Variants in SENP6 observed in about 807,000 individuals in gnomAD.
SENP6 encodes the protein sentrin-specific protease 6.
Under a neutral mutation model 134.5 loss-of-function variants are expected in SENP6, and 41 were observed. The observed-to-expected ratio is 0.30, with a 90% CI of 0.24 to 0.40. The LOEUF is 0.40. SENP6 is among the 10% of genes least tolerant of loss of function. The pLI is 1.00. For missense variants in SENP6, 1,248 were observed against 1,312.5 expected (o/e 0.95, Z 0.76); for synonymous variants, 395 against 429.8 (o/e 0.92, Z 1.00).
At chr6:75,667,139 G>T (rs1265781136) in intron 10 of SENP6, among the ~76,000 whole-genome samples, 198 bp downstream of exon 10, 1 of 152,106 alleles carries the variant, frequency 6.6e-6, no homozygotes, top group African/African-American at 2.4e-5. Context: ...AAGGCTTGAA[G>T]TATAAAAAAT....
intron 19 of SENP6, among the ~76,000 whole-genome samples, chr6:75,705,427 C>T (rs1190845410): frequency 1.3e-5 from 2 of 152,204 alleles, no homozygotes; most frequent in African/African-American, 4.8e-5. Context: ...CGCCTGTAAT[C>T]CTAGCTACTC....
chr6:75,641,912 T>G (rs1770058188), intron 6 of SENP6, among the ~76,000 whole-genome samples: 1 of 144,342 alleles, frequency 6.9e-6, no homozygotes, highest in Admixed American at 6.9e-5. Flanking sequence ...TTGAATCAAT[T>G]AAAAAAAAAA....
chr6:75,688,480 C>G (rs1470562221), intron 16 of SENP6, among the ~76,000 whole-genome samples: 1 of 152,228 alleles, frequency 6.6e-6, no homozygotes, highest in East Asian at 1.9e-4. Flanking sequence ...CTGCATCGGT[C>G]ATGCTGAGAG....
At chr6:75,623,040 A>G (rs991556088) in intron 2 of SENP6, among the ~76,000 whole-genome samples, 8 of 152,194 alleles carry the variant, frequency 5.3e-5, no homozygotes, top group African/African-American at 1.4e-4. Context: ...TGTTTATAAA[A>G]TGTTTACGAG....
In SENP6 at chr6:75,677,264, T is replaced by C. The variant is rs1773154154; in HGVS notation, c.1848+8T>C. On this transcript the variant is annotated splice_region_variant and intron_variant, in intron 14 of 23. Transcript: ENST00000447266. ...GAAAACAAAATTAAAACTGTAATTATGTTTTTTAATTTAAAAATATTCTTA... is the reference window on the plus strand; with the variant it reads ...GAAAACAAAATTAAAACTGTAATTACGTTTTTTAATTTAAAAATATTCTTA... 2 of 1,512,756 alleles carry C rather than the reference T, an allele frequency of 1.3e-6. No individual in the cohort carries two copies. The highest frequency in any genetic ancestry group is 2.5e-5 in the South Asian group (2 of 78,896). 93.7% of individuals were successfully genotyped at this position (1,512,756 alleles called of 1,614,324 possible). A position where few individuals can be genotyped will look rare whatever the true frequency, so the allele number is the denominator to read the frequency against.
At chr6:75,650,227 A>T (rs890969979) in intron 7 of SENP6, among the ~76,000 whole-genome samples, 1 of 152,206 alleles carries the variant, frequency 6.6e-6, no homozygotes, top group African/African-American at 2.4e-5. Flanking sequence ...GCATCATTTT[A>T]GGGGTTACAT....
At chr6:75,642,969 T>C (rs950668965) in intron 6 of SENP6, among the ~76,000 whole-genome samples, 1 of 151,988 alleles carries the variant, frequency 6.6e-6, no homozygotes, top group African/African-American at 2.4e-5. Flanking sequence ...AGGGTTAAGG[T>C]GGAAAAATAA....
At chr6:75,647,304 A>G (rs1371397204) in intron 6 of SENP6, 1 of 154,706 alleles carries the variant, frequency 6.5e-6, no homozygotes, top group African/African-American at 2.4e-5. Context: ...ACTAAGGATT[A>G]TGTTTAAAAT....
At chr6:75,704,342 G>A (rs1181100959) in intron 19 of SENP6, among the ~76,000 whole-genome samples, 1 of 152,184 alleles carries the variant, frequency 6.6e-6, no homozygotes. Flanking sequence ...AAGAAAACAT[G>A]TGAGCAAAGG....
chr6:75,680,182 G>C (rs2842534), intron 16 of SENP6, among the ~76,000 whole-genome samples: 12,128 of 152,158 alleles, frequency 0.08, 1,074 homozygotes, highest in African/African-American at 0.22. Flanking sequence ...TATTAAGGAG[G>C]AGAGGAAAGG....
chr6:75,602,633 C>T, intron 1 of SENP6, 57 bp downstream of exon 1: 1 of 1,509,656 alleles, frequency 6.6e-7, no homozygotes, highest in Non-Finnish European at 9.0e-7. Flanking sequence ...AAAACGTGGC[C>T]CCCAGAACCC....
chr6:75,669,463 T>C (rs1032950020), intron 10 of SENP6, among the ~76,000 whole-genome samples: 15 of 152,148 alleles, frequency 9.9e-5, no homozygotes, highest in African/African-American at 3.1e-4. Context: ...ATTTTTTTTT[T>C]CCTGTGACAT....
At chr6:75,638,276 T>C (rs1241839090) in intron 5 of SENP6, among the ~76,000 whole-genome samples, 3 of 150,276 alleles carry the variant, frequency 2.0e-5, no homozygotes, top group Non-Finnish European at 4.4e-5. Context: ...GCCACAGTTA[T>C]AGTACTAATT....
At chr6:75,667,011 A>G (rs1399126600) in intron 10 of SENP6, 70 bp downstream of exon 10, 6 of 1,013,180 alleles carry the variant, frequency 5.9e-6, no homozygotes, top group Non-Finnish European at 8.7e-6. Flanking sequence ...TTTTTTTAGA[A>G]GGCAGTTTGG....
Position 75,715,765 on chromosome 6 carries a change from A to G in SENP6, c.*171A>G, listed in dbSNP as rs914967776. ...GCGTATGTATTAAGTAAAAGTCTGT[A>G]AATATGTTAATGAGGCCAATTTTTC... is the stretch of plus-strand genomic sequence containing the variant. On this transcript the variant is annotated 3_prime_UTR_variant, in exon 24 of 24. Transcript: ENST00000447266. 2.3e-6 allele frequency: 1 copy of G among 444,156 alleles called. No homozygotes were observed. The highest frequency in any genetic ancestry group is 3.9e-6 in the Non-Finnish European group (1 of 257,198). 27.5% of individuals were successfully genotyped at this position (444,156 alleles called of 1,614,324 possible).
rs1766658579 is a variant in SENP6 at position 75,602,026 on chromosome 6, G to C, written c.-499G>C. 6.5e-6 allele frequency: 1 copy of C among 154,478 alleles called. No individual in the cohort carries two copies. The highest frequency in any genetic ancestry group is 1.4e-5 in the Non-Finnish European group (1 of 69,752). 9.6% of individuals were successfully genotyped at this position (154,478 alleles called of 1,614,324 possible). ...GCGGACGGCCGTAGCGGCGGCGGCT[G>C]CAGAACGAGCTAGGGGCCTGGGGGC... On this transcript the variant is annotated 5_prime_UTR_variant, in exon 1 of 24. Transcript: ENST00000447266.
At chr6:75,631,304 T>C (rs1474981481) in intron 3 of SENP6, among the ~76,000 whole-genome samples, 1 of 152,214 alleles carries the variant, frequency 6.6e-6, no homozygotes, top group African/African-American at 2.4e-5. Flanking sequence ...ATAACATTGA[T>C]AATTTTCACA....
intron 16 of SENP6, among the ~76,000 whole-genome samples, chr6:75,680,206 C>T (rs1478547071): frequency 2.0e-5 from 3 of 152,114 alleles, no homozygotes; most frequent in Non-Finnish European, 4.4e-5. Context: ...CCAGGTAGCT[C>T]CTAGTTTTCT....
At chr6:75,643,803 T>A (rs886569058) in intron 6 of SENP6, among the ~76,000 whole-genome samples, 1 of 152,206 alleles carries the variant, frequency 6.6e-6, no homozygotes, top group Non-Finnish European at 1.5e-5. Flanking sequence ...TAAATAGGAA[T>A]AATGAATTTT....
Sources: gnomAD v4.1 joint callset for allele counts (sites outside exome capture counted in the v4.1 genomes callset) on GRCh38, gnomAD v4.1.1 for gene constraint, MANE v1.5 for transcripts, NCBI Gene and HGNC (gene_info 2026-07-23, HGNC 2026-07-21) for gene names.